NAV1: variants seen among roughly 807,000 people sequenced by gnomAD.
NAV1 encodes pore membrane and/or filament interacting like protein 3.
Under a neutral mutation model 175.2 loss-of-function variants are expected in NAV1, and 18 were observed. The ratio of observed to expected loss-of-function variants is 0.10; its 90% CI spans 0.07 to 0.15. NAV1 has a LOEUF of 0.15. Ranked by LOEUF, NAV1 falls within the 10% of genes least tolerant of loss-of-function variation. NAV1 has a pLI of 1.00. For synonymous variants in NAV1, 897 were observed against 978.7 expected (o/e 0.92, Z 1.56); for missense variants, 1,731 against 2,436.6 (o/e 0.71, Z 6.10).
At chr1:201,683,235 T>C (rs934696062) in intron 1 of NAV1, among the ~76,000 whole-genome samples, 1 of 152,190 alleles carries the variant, frequency 6.6e-6, no homozygotes, top group African/African-American at 2.4e-5. Flanking sequence ...ATTTTTCTCA[T>C]GGCTAAACAG....
At chr1:201,723,252 GT>G (rs1427320510) in intron 3 of NAV1, 1 of 152,184 alleles carries the variant, frequency 6.6e-6, no homozygotes, top group Non-Finnish European at 1.5e-5. Flanking sequence ...ATCTATTCAA[GT>G]CCTTTGCCCA....
At chr1:201,606,145 G>C (rs1203875400) in intron 2 of NAV1, among the ~76,000 whole-genome samples, 1 of 152,166 alleles carries the variant, frequency 6.6e-6, no homozygotes, top group East Asian at 1.9e-4. Context: ...GTCTTAGAAA[G>C]GGGAGGCACT....
chr1:201,653,622 G>A (rs1669290805), intron 1 of NAV1, among the ~76,000 whole-genome samples: 1 of 152,126 alleles, frequency 6.6e-6, no homozygotes, highest in African/African-American at 2.4e-5. Flanking sequence ...GCATTGTGGG[G>A]CTGGGGTGGG....
At chr1:201,647,994 T>A (rs1311773216), upstream of NAV1, among the ~76,000 whole-genome samples, 2 of 151,078 alleles carry the variant, frequency 1.3e-5, no homozygotes, top group Non-Finnish European at 2.9e-5. Context: ...AAACTGCTTT[T>A]CCTTTATTTC....
intron 1 of NAV1, chr1:201,673,366 G>A (rs534423003): frequency 6.6e-6 from 1 of 152,228 alleles, no homozygotes; most frequent in Non-Finnish European, 1.5e-5. Flanking sequence ...TGGCATAGTA[G>A]CTGGAGAGTG....
chr1:201,549,551 TG>T (rs1191822901), intron 1 of NAV1, among the ~76,000 whole-genome samples: 1 of 152,210 alleles, frequency 6.6e-6, no homozygotes, highest in Non-Finnish European at 1.5e-5. Flanking sequence ...ACAAAAGGCC[TG>T]GCCTTGGAGG....
chr1:201,635,462 A>C (rs542806110), intron 2 of NAV1, among the ~76,000 whole-genome samples: 1 of 152,294 alleles, frequency 6.6e-6, no homozygotes, highest in South Asian at 2.1e-4. Flanking sequence ...TTTATGATGT[A>C]GCCTAGAGCT....
At chr1:201,811,811 C>G (rs1678712514) in intron 25 of NAV1, 54 bp downstream of exon 29, 1 of 1,608,036 alleles carries the variant, frequency 6.2e-7, no homozygotes, top group Admixed American at 1.7e-5. Context: ...AGGGAGAACC[C>G]AGTCCAGGAC....
At chr1:201,577,823 C>T (rs1666738075) in intron 1 of NAV1, among the ~76,000 whole-genome samples, 1 of 152,126 alleles carries the variant, frequency 6.6e-6, no homozygotes, top group South Asian at 2.1e-4. Flanking sequence ...AAATATTGTG[C>T]CACTTCCTTC....
chr1:201,715,165 C>CTTT (rs34382311), intron 2 of NAV1, among the ~76,000 whole-genome samples: 30 of 133,942 alleles, frequency 2.2e-4, no homozygotes, highest in African/African-American at 6.6e-4. Context: ...TTTTATGGCT[C>CTTT]TTTTTTTTTT....
At chr1:201,691,600 T>A (rs958831459) in intron 1 of NAV1, among the ~76,000 whole-genome samples, 1 of 152,220 alleles carries the variant, frequency 6.6e-6, no homozygotes, top group Admixed American at 6.5e-5. Context: ...AGAGGTGGAA[T>A]GAACAGGTGT....
intron 1 of NAV1, among the ~76,000 whole-genome samples, chr1:201,670,626 G>A (rs1308671496): frequency 2.0e-5 from 3 of 151,766 alleles, no homozygotes; most frequent in Admixed American, 6.6e-5. Flanking sequence ...TGGCAGTGAT[G>A]ATGGTGATGT....
At chr1:201,819,513 G>A (rs1239584372) in intron 29 of NAV1, among the ~76,000 whole-genome samples, 1 of 147,586 alleles carries the variant, frequency 6.8e-6, no homozygotes, top group East Asian at 2.0e-4. Context: ...CTGGAATGCA[G>A]TGATGATATC....
At chr1:201,803,512 T>C in intron 15 of NAV1, 81 bp from the exon 20 acceptor site, 2 of 1,483,586 alleles carry the variant, frequency 1.3e-6, no homozygotes, top group South Asian at 2.5e-5. Flanking sequence ...CTTTCTCTTA[T>C]CTTCTGCCAC....
chr1:201,648,604 G>A (rs1669065522), exon 1 of NAV1: 1 of 783,944 alleles, frequency 1.3e-6, no homozygotes, highest in Non-Finnish European at 1.7e-6. Context: ...CTGCGCTCCC[G>A]CCCCCTGCCC....
intron 2 of NAV1, among the ~76,000 whole-genome samples, chr1:201,637,608 G>A (rs1668646081): frequency 6.6e-6 from 1 of 152,164 alleles, no homozygotes; most frequent in African/African-American, 2.4e-5. Context: ...TTAGTGTTGT[G>A]ATTTAATGAC....
rs771121528 is a variant in NAV1, at chr1:201,808,051, A to G, written c.3747A>G (p.Ser1249=). 27 of 1,614,174 alleles carry G rather than the reference A, an allele frequency of 1.7e-5. No homozygotes were observed. In the Admixed American group the frequency reaches 2.0e-4, roughly 12 times the overall value. The change falls in exon 18 of 30, where the codon TCA becomes TCG. Residue 1249 remains serine (S), a synonymous_variant. Coordinates refer to ENST00000367296, the Ensembl canonical transcript of NAV1. The surrounding 1 kb of genome is among the most constrained non-coding windows in gnomAD (Gnocchi z 5.5). The stretch of plus-strand genomic sequence containing the variant: ...AGGAGATTGCTACACCCGACTCTTC[A>G]GCCCCCTCATCCCCCAAACTACAGC...
At chr1:201,578,751 A>G (rs1484701141) in intron 1 of NAV1, among the ~76,000 whole-genome samples, 3 of 152,116 alleles carry the variant, frequency 2.0e-5, no homozygotes, top group Non-Finnish European at 4.4e-5. Flanking sequence ...AATTTTTCCT[A>G]TGGCGTTTGG....
chr1:201,772,742 T>C (rs1252219808), intron 3 of NAV1, among the ~76,000 whole-genome samples: 3 of 152,180 alleles, frequency 2.0e-5, no homozygotes, highest in Non-Finnish European at 4.4e-5. Context: ...TTATAAATAC[T>C]AGGAGCTTGG....
Sources: gnomAD v4.1 joint callset for allele counts (sites outside exome capture counted in the v4.1 genomes callset) on GRCh38, gnomAD v4.1.1 for gene constraint, Gnocchi (gnomAD v3.1) non-coding constraint, MANE v1.5 for transcripts, NCBI Gene and HGNC (gene_info 2026-07-23, HGNC 2026-07-21) for gene names.